Variants in PLVAP observed in about 807,000 individuals in gnomAD.
PLVAP encodes plasmalemma vesicle-associated protein.
PLVAP carries 34 observed loss-of-function variants against 43.1 expected under a neutral mutation model. The observed-to-expected ratio is 0.79, with a 90% CI of 0.60 to 1.05. The LOEUF (loss-of-function observed/expected upper bound fraction) is 1.05, where lower values mean the gene tolerates loss of function less well. Among genes scored for constraint, PLVAP ranks in the 50% least tolerant of loss-of-function variants. PLVAP has a pLI of 0.00. For synonymous variants in PLVAP, 241 were observed against 237.3 expected (o/e 1.02, Z -0.14); for missense variants, 574 against 593.4 (o/e 0.97, Z 0.34).
intron 1 of PLVAP, among the ~76,000 whole-genome samples, chr19:17,373,099 A>G (rs548408401): frequency 2.5e-5 from 3 of 118,232 alleles, no homozygotes; most frequent in East Asian, 4.2e-4. Flanking sequence ...AAAAAGAAAG[A>G]AAAGACACCA....
chr19:17,355,153 G>A (rs190106085), intron 5 of PLVAP, among the ~76,000 whole-genome samples: 13,992 of 149,098 alleles, frequency 0.094, 795 homozygotes, highest in Non-Finnish European at 0.13. Context: ...GAACCTGGGA[G>A]GTGGAGGTTG....
Position 17,365,568 on chromosome 19 carries a change from G to A in PLVAP, c.897C>T (p.Arg299=), listed in dbSNP as rs147035073. 390 of 1,611,722 alleles carry A rather than the reference G, an allele frequency of 2.4e-4. 1 individual carries two copies. Among genetic ancestry groups the A allele is most frequent in the African/African-American group, 4.7e-4 (35 of 74,922 alleles). ...TCTGGCGTTGGAGGTCTGAGTTCTC[G>A]CGGGCCACGCGTTCGATATCCGCCC... ...SLRADIERVA[R]ENSDLQRQKL... is the part of the protein sequence containing the mutation. The change falls in exon 3 of 6, where the codon CGC becomes CGT. Residue 299 remains arginine (R), a synonymous_variant. Coordinates refer to ENST00000252590, the MANE Select transcript of PLVAP (RefSeq NM_031310.3).
At chr19:17,367,641 G>A (rs886977774) in intron 1 of PLVAP, among the ~76,000 whole-genome samples, 4 of 152,018 alleles carry the variant, frequency 2.6e-5, no homozygotes, top group African/African-American at 9.7e-5. Context: ...CGCCTATCTC[G>A]GCCTCCCAAA....
chr19:17,352,422 A>G, intron 5 of PLVAP, 54 bp from the exon 6 acceptor site: 1 of 1,590,440 alleles, frequency 6.3e-7, no homozygotes, highest in Non-Finnish European at 8.6e-7. Context: ...AGGGAAGGGC[A>G]AACCTCGCCG....
chr19:17,361,248 C>T (rs1244478428), intron 3 of PLVAP, among the ~76,000 whole-genome samples: 1 of 152,068 alleles, frequency 6.6e-6, no homozygotes, highest in Admixed American at 6.6e-5. Context: ...TCAAGACCAT[C>T]GTCTCTAAAG....
chr19:17,360,937 G>A (rs2074526119), intron 3 of PLVAP, 105 bp from the exon 4 acceptor site: 17 of 994,930 alleles, frequency 1.7e-5, no homozygotes, highest in Admixed American at 8.4e-5. Flanking sequence ...TTTTTGAGAC[G>A]GAGTTTCGCT....
Position 17,365,717 on chromosome 19 carries a change from G to C in PLVAP, c.748C>G (p.Leu250Val), listed in dbSNP as rs2074546904. ...LWRDSIIPRS[L>V]DNLGYNLYHP... ...TAGAGGTTGTAACCCAGGTTGTCCAGGCTGCGTGGGATAATGGAGTCCCTC... is the reference window on the plus strand; with the variant it reads ...TAGAGGTTGTAACCCAGGTTGTCCACGCTGCGTGGGATAATGGAGTCCCTC... Residue 250 changes from leucine to valine, a missense_variant, in exon 3 of 6, where the codon CTG (leucine) becomes GTG (valine). Transcript: ENST00000252590. The C allele has an allele frequency of 1.9e-6, 3 of 1,614,058 alleles. No homozygotes were observed. The highest frequency in any genetic ancestry group is 2.5e-6 in the Non-Finnish European group (3 of 1,180,054).
At chr19:17,356,288 G>A (rs894135268) in intron 5 of PLVAP, among the ~76,000 whole-genome samples, 2 of 152,048 alleles carry the variant, frequency 1.3e-5, no homozygotes, top group Admixed American at 6.6e-5. Flanking sequence ...CCAGCCCAGC[G>A]ACAGAGTGAG....
intron 5 of PLVAP, among the ~76,000 whole-genome samples, chr19:17,353,069 C>T (rs572720462): frequency 2.6e-5 from 4 of 152,304 alleles, no homozygotes; most frequent in South Asian, 2.1e-4. Flanking sequence ...GAGGTTCCTG[C>T]GAGGGGTCAG....
chr19:17,376,989 C>T lies in PLVAP; in HGVS notation c.300G>A (p.Gln100=). ...GGTCGCGGCGAGCATTCAGCCACATCTGCATGATGGCATCCTTGGCGCGGG... is the reference window on the plus strand; with the variant it reads ...GGTCGCGGCGAGCATTCAGCCACATTTGCATGATGGCATCCTTGGCGCGGG... ...FTTRAKDAIM[Q]MWLNARRDLD... The change falls in exon 1 of 6, where the codon CAG becomes CAA. Residue 100 remains glutamine, a synonymous_variant. Transcript: ENST00000252590. 1 of 1,614,134 alleles carries T rather than the reference C, an allele frequency of 6.2e-7. No homozygotes were observed. Among genetic ancestry groups the T allele is most frequent in the Non-Finnish European group, 8.5e-7 (1 of 1,180,042 alleles).
chr19:17,375,010 C>T (rs900696108), intron 1 of PLVAP, among the ~76,000 whole-genome samples: 17 of 152,018 alleles, frequency 1.1e-4, no homozygotes, highest in African/African-American at 3.1e-4. Flanking sequence ...TTAGTACAGA[C>T]GGGGTTTCAC....
At chr19:17,360,724 G>A in intron 4 of PLVAP, 48 bp downstream of exon 4, 1 of 1,591,082 alleles carries the variant, frequency 6.3e-7, no homozygotes, top group Non-Finnish European at 8.6e-7. Flanking sequence ...TGGGGTTCGA[G>A]GTGGAAAGGG....
chr19:17,352,539 C>A (rs2074490705), intron 5 of PLVAP, among the ~76,000 whole-genome samples, 171 bp from the exon 6 acceptor site: 1 of 152,154 alleles, frequency 6.6e-6, no homozygotes, highest in South Asian at 2.1e-4. Flanking sequence ...AGGGCTCCTT[C>A]GGGTTCAGCC....
At chr19:17,357,670 A>G (rs537402041) in intron 5 of PLVAP, among the ~76,000 whole-genome samples, 3 of 152,026 alleles carry the variant, frequency 2.0e-5, no homozygotes, top group Non-Finnish European at 4.4e-5. Context: ...TCTCGAAAAA[A>G]ATAATGATTA....
chr19:17,374,367 A>C (rs2074586329), intron 1 of PLVAP, among the ~76,000 whole-genome samples: 1 of 151,796 alleles, frequency 6.6e-6, no homozygotes, highest in Non-Finnish European at 1.5e-5. Context: ...CAGGAGGTTG[A>C]GGCAGGAGAA....
At chr19:17,369,341 ATACCTGGCTAATTT>A (rs1203954676) in intron 1 of PLVAP, among the ~76,000 whole-genome samples, 3 of 151,098 alleles carry the variant, frequency 2.0e-5, no homozygotes, top group Non-Finnish European at 3.0e-5. Flanking sequence ...GTGCACCACC[ATACCTGGCTAATTT>A]TTGTATTTTT....
chr19:17,374,192 A>G (rs944853026), intron 1 of PLVAP, among the ~76,000 whole-genome samples: 2 of 151,642 alleles, frequency 1.3e-5, no homozygotes, highest in Non-Finnish European at 2.9e-5. Flanking sequence ...AACAGCCGGG[A>G]ACGGTGGCTC....
At chr19:17,363,784 C>T (rs966957715) in intron 3 of PLVAP, among the ~76,000 whole-genome samples, 58 of 149,486 alleles carry the variant, frequency 3.9e-4, no homozygotes, top group African/African-American at 1.4e-3. Context: ...GCTCTGTCAC[C>T]CAGGCTGGAG....
At chr19:17,366,347 G>T in intron 1 of PLVAP, 152 bp from the exon 2 acceptor site, 1 of 680,188 alleles carries the variant, frequency 1.5e-6, no homozygotes, top group Non-Finnish European at 2.5e-6. Context: ...GCCAGGTGTG[G>T]CAGCTCACAC....
Sources: allele counts gnomAD v4.1 joint callset (sites outside exome capture counted in the v4.1 genomes callset), GRCh38; gene constraint gnomAD v4.1.1; transcripts MANE v1.5; gene names NCBI Gene and HGNC (gene_info 2026-07-23, HGNC 2026-07-21).